The following APCDD1L variants were observed in gnomAD, a reference collection of about 807,000 sequenced individuals.
The protein encoded by APCDD1L is protein APCDD1-like.
In APCDD1L, 21 loss-of-function variants were observed where a neutral mutation model predicts 24.2. The ratio of observed to expected loss-of-function variants is 0.87; its 90% CI spans 0.61 to 1.25. The LOEUF (loss-of-function observed/expected upper bound fraction) is 1.25, where lower values mean the gene tolerates loss of function less well. Ranked by LOEUF, APCDD1L falls within the 50% of genes most tolerant of loss-of-function variation. The pLI is 0.00. For synonymous variants in APCDD1L, 321 were observed against 323.6 expected (o/e 0.99, Z 0.09); for missense variants, 704 against 711.7 (o/e 0.99, Z 0.12).
rs1050805845 is a variant in APCDD1L, at chr20:58,497,889, G to A, written c.49+16770C>T. Among the ~76,000 whole-genome samples the A allele has an allele frequency of 3.3e-5, 5 of 152,210 alleles. No individual in the cohort carries two copies. Among genetic ancestry groups the A allele is most frequent in the Admixed American group, 1.3e-4 (2 of 15,298 alleles). On this transcript the variant is annotated intron_variant, in intron 1 of 3. Coordinates refer to ENST00000371149, the MANE Select transcript of APCDD1L (RefSeq NM_153360.3). This position sits in a 1 kb window ranked among gnomAD's most constrained non-coding sequence, Gnocchi z 4.3. ...CTCATGCAGAGAAGCAGAATTCCCT[G>A]TACACACACCTCAATCATTTCTCTC...
At chr20:58,463,286 C>T (rs934020680) in intron 3 of APCDD1L, among the ~76,000 whole-genome samples, 2 of 152,062 alleles carry the variant, frequency 1.3e-5, no homozygotes, top group Non-Finnish European at 2.9e-5. Context: ...AAACCGGCCA[C>T]ACTCGGGTCT....
intron 2 of APCDD1L, among the ~76,000 whole-genome samples, chr20:58,469,703 G>T (rs1347028498): frequency 6.6e-6 from 1 of 152,216 alleles, no homozygotes; most frequent in Non-Finnish European, 1.5e-5. Flanking sequence ...ATTCGAAGTG[G>T]CCTCGAAGGA....
chr20:58,515,398 G>T lies in APCDD1L; in HGVS notation c.-691C>A. 1 of 376,790 alleles carries T rather than the reference G, an allele frequency of 2.7e-6. No individual in the cohort carries two copies. The highest frequency in any genetic ancestry group is 4.7e-6 in the Non-Finnish European group (1 of 212,990). 23.3% of individuals were successfully genotyped at this position (376,790 alleles called of 1,614,324 possible). Reference sequence around the variant, plus strand: ...ACACCCAAACGCATCTAGGCAAAGTGTGGACCCGACCAGGCGGGTTTTCCT... The same window carrying T: ...ACACCCAAACGCATCTAGGCAAAGTTTGGACCCGACCAGGCGGGTTTTCCT... On this transcript the variant is annotated 5_prime_UTR_variant, in exon 1 of 4. Transcript: ENST00000371149.
At chr20:58,500,814 C>T (rs926696066) in intron 1 of APCDD1L, among the ~76,000 whole-genome samples, 11 of 152,298 alleles carry the variant, frequency 7.2e-5, no homozygotes, top group African/African-American at 1.7e-4. Flanking sequence ...GAAAACCCTT[C>T]GCTGCACTCC....
rs1274389051 is a variant in APCDD1L, at chr20:58,467,431, C to T, written c.416G>A (p.Arg139His). 1.3e-6 allele frequency: 2 copies of T among 1,570,924 alleles called. No homozygotes were observed. Among genetic ancestry groups the T allele is most frequent in the Admixed American group, 1.9e-5 (1 of 53,726 alleles). ...CCCGGTGACGTCGACCAGGGCCCGGCGGCTGTGGAAGACGATGCCCACCTT... is the reference window on the plus strand; with the variant it reads ...CCCGGTGACGTCGACCAGGGCCCGGTGGCTGTGGAAGACGATGCCCACCTT... ...LHKVGIVFHS[R>H]RALVDVTGRL... Residue 139 changes from arginine to histidine, a missense_variant, in exon 3 of 4, where the codon CGC becomes CAC. By Grantham distance (29) the Arg-to-His change is conservative (BLOSUM62 0). Transcript: ENST00000371149. This position sits in a 1 kb window ranked among gnomAD's most constrained non-coding sequence, Gnocchi z 5.9.
chr20:58,485,092 G>A (rs1235778032), intron 1 of APCDD1L, among the ~76,000 whole-genome samples: 2 of 151,372 alleles, frequency 1.3e-5, no homozygotes, highest in African/African-American at 4.9e-5. Flanking sequence ...TTATTTAGAT[G>A]AATCTTGATG....
intron 1 of APCDD1L, among the ~76,000 whole-genome samples, chr20:58,488,312 A>T (rs563540192): frequency 6.6e-6 from 1 of 152,238 alleles, no homozygotes; most frequent in African/African-American, 2.4e-5. Flanking sequence ...TGAGACACCC[A>T]CTGGGGGTCA....
chr20:58,483,327 G>A (rs1473404496), intron 1 of APCDD1L, among the ~76,000 whole-genome samples: 1 of 152,150 alleles, frequency 6.6e-6, no homozygotes. Flanking sequence ...TTCTCCAGGA[G>A]GTGGGCAGGG....
chr20:58,468,352 G>A (rs1004824068), intron 2 of APCDD1L, among the ~76,000 whole-genome samples: 5 of 152,226 alleles, frequency 3.3e-5, no homozygotes, highest in South Asian at 4.1e-4. Context: ...GACTCCATTT[G>A]CTGGTGATAC....
chr20:58,477,012 TA>T (rs1295524396), intron 1 of APCDD1L, among the ~76,000 whole-genome samples: 2 of 152,284 alleles, frequency 1.3e-5, no homozygotes, highest in Non-Finnish European at 2.9e-5. Flanking sequence ...TGGCATTTAT[TA>T]TCTGCTTTCT....
intron 1 of APCDD1L, among the ~76,000 whole-genome samples, chr20:58,484,524 T>C (rs1990084563): frequency 6.6e-6 from 1 of 152,260 alleles, no homozygotes; most frequent in Non-Finnish European, 1.5e-5. Context: ...TTATCATTTT[T>C]ATAAAATGGG....
At chr20:58,513,248 T>G (rs1990665182) in intron 1 of APCDD1L, among the ~76,000 whole-genome samples, 1 of 152,308 alleles carries the variant, frequency 6.6e-6, no homozygotes, top group East Asian at 1.9e-4. Context: ...CTTCCACAGC[T>G]GGCCCCCTTG....
intron 1 of APCDD1L, among the ~76,000 whole-genome samples, chr20:58,510,121 C>A (rs191552358): frequency 1.4e-4 from 21 of 152,334 alleles, no homozygotes; most frequent in Admixed American, 7.2e-4. Flanking sequence ...ACCTCCCAGC[C>A]TGGGCTAGAT....
chr20:58,467,798 T>G lies in APCDD1L; in HGVS notation c.189-140A>C. ...CAGGCCTGGGCCCCTCCAGCCTCAG[T>G]TCCCCTCACTGCTCGCAGTCAGGCA... On this transcript the variant is annotated intron_variant, in intron 2 of 3. Coordinates refer to ENST00000371149, the MANE Select transcript of APCDD1L (RefSeq NM_153360.3). The surrounding 1 kb of genome is among the most constrained non-coding windows in gnomAD (Gnocchi z 5.9). 1.2e-6 allele frequency: 1 copy of G among 838,806 alleles called. No individual in the cohort carries two copies. Among genetic ancestry groups the G allele is most frequent in the Non-Finnish European group, 1.6e-6 (1 of 608,018 alleles). The allele number at this position is 838,806 out of a possible 1,614,324, so 52.0% of individuals were successfully genotyped here.
At chr20:58,505,233 A>AT (rs1291456500) in intron 1 of APCDD1L, among the ~76,000 whole-genome samples, 21 of 151,998 alleles carry the variant, frequency 1.4e-4, no homozygotes, top group Non-Finnish European at 2.9e-4. Context: ...AATTATTATT[A>AT]TTTTTATTTT....
intron 1 of APCDD1L, among the ~76,000 whole-genome samples, chr20:58,476,058 C>T (rs1235841658): frequency 2.6e-5 from 4 of 152,162 alleles, no homozygotes; most frequent in Non-Finnish European, 4.4e-5. Flanking sequence ...GGTTAGGACT[C>T]GAACATATCT....
At position 58,508,341 on chromosome 20, in the gene APCDD1L, T is replaced by C. The variant is rs574019632; in HGVS notation, c.49+6318A>G. Among the ~76,000 whole-genome samples, 6 of 152,138 alleles carry C rather than the reference T, an allele frequency of 3.9e-5. No individual in the cohort carries two copies. Among genetic ancestry groups the C allele is most frequent in the African/African-American group, 1.4e-4 (6 of 41,408 alleles). On this transcript the variant is annotated intron_variant, in intron 1 of 3. Transcript: ENST00000371149. The surrounding 1 kb of genome is among the most constrained non-coding windows in gnomAD (Gnocchi z 4.0). The stretch of plus-strand genomic sequence containing the variant: ...AGGTTATCTGTGAAGTGTGTGGAGA[T>C]GACTGTCACATGGGGATCAAGGAGC...
At chr20:58,469,348 C>CAGACA (rs113677546) in intron 2 of APCDD1L, among the ~76,000 whole-genome samples, 77,364 of 151,614 alleles carry the variant, frequency 0.51, 21,264 homozygotes, top group East Asian at 0.71. Context: ...CTGAGGGTCT[C>CAGACA]AGGCCTGGAG....
At chr20:58,462,236 G>A (rs1030824981) in intron 3 of APCDD1L, among the ~76,000 whole-genome samples, 3 of 152,182 alleles carry the variant, frequency 2.0e-5, no homozygotes, top group Admixed American at 1.3e-4. Flanking sequence ...AGGTGTTTCA[G>A]AAGTGCCAAG....
Sources: allele counts gnomAD v4.1 joint callset (sites outside exome capture counted in the v4.1 genomes callset), GRCh38; gene constraint gnomAD v4.1.1; non-coding constraint Gnocchi (gnomAD v3.1); transcripts MANE v1.5; gene names NCBI Gene and HGNC (gene_info 2026-07-23, HGNC 2026-07-21).